Variants in NGEF observed in about 807,000 individuals in gnomAD.
NGEF encodes the protein neuronal guanine nucleotide exchange factor.
A neutral mutation model predicts 80.9 loss-of-function variants in NGEF; 31 were observed. The ratio of observed to expected loss-of-function variants is 0.38; its 90% CI spans 0.29 to 0.52. NGEF has a LOEUF of 0.52. NGEF is among the 20% of genes least tolerant of loss of function. NGEF has a pLI of 0.84. For synonymous variants in NGEF, 371 were observed against 370.2 expected (o/e 1.00, Z -0.03); for missense variants, 709 against 926.2 (o/e 0.77, Z 3.04).
chr2:232,927,005 G>A, intron 4 of NGEF, 39 bp downstream of exon 4: 2 of 1,613,732 alleles, frequency 1.2e-6, no homozygotes, highest in Non-Finnish European at 8.5e-7. Context: ...AGGGACCCGC[G>A]TTTCCCAAAT....
intron 3 of NGEF, among the ~76,000 whole-genome samples, chr2:232,959,579 C>CTTTT (rs10663890): frequency 7.1e-5 from 10 of 139,940 alleles, no homozygotes; most frequent in Non-Finnish European, 1.1e-4. Flanking sequence ...CAGCAATGAC[C>CTTTT]TTTTTTTTTT....
intron 4 of NGEF, among the ~76,000 whole-genome samples, chr2:232,925,078 C>T (rs1337229009): frequency 1.3e-5 from 2 of 152,166 alleles, no homozygotes; most frequent in Non-Finnish European, 2.9e-5. Flanking sequence ...ATATATTGTA[C>T]ATTTAGTCGG....
intron 1 of NGEF, among the ~76,000 whole-genome samples, chr2:233,003,504 T>C (rs1050087051): frequency 1.1e-4 from 16 of 152,188 alleles, no homozygotes; most frequent in African/African-American, 3.9e-4. Context: ...CCTTCCTTGC[T>C]AATATCCTCT....
intron 14 of NGEF, 74 bp downstream of exon 14, chr2:232,881,072 C>T: frequency 8.3e-7 from 1 of 1,206,494 alleles, no homozygotes; most frequent in Non-Finnish European, 1.2e-6. Flanking sequence ...GTGGCATCTG[C>T]TTCTCCCCCT....
intron 10 of NGEF, 141 bp downstream of exon 10, chr2:232,885,139 G>T: frequency 1.4e-6 from 1 of 720,312 alleles, no homozygotes; most frequent in South Asian, 1.7e-5. Flanking sequence ...AGCTGGGGAG[G>T]TCAGGGGGCA....
rs1692013842 is a variant in NGEF at position 232,895,047 on chromosome 2, C to G, written c.829-131G>C. The G allele has an allele frequency of 4.0e-6, 4 of 991,466 alleles. No homozygotes were observed. The East Asian group carries it at 1.0e-4, about 25-fold the overall frequency. The allele number at this position is 991,466 out of a possible 1,614,324, so 61.4% of individuals were successfully genotyped here. On this transcript the variant is annotated intron_variant, in intron 5 of 14. Coordinates refer to ENST00000264051, the MANE Select transcript of NGEF (RefSeq NM_019850.3). Reference sequence around the variant, plus strand: ...AGGGAAAAATCGCCTGCTCCTGGGGCCTGGGATGGCTGCTGCAGGGGCAGC... The same window carrying G: ...AGGGAAAAATCGCCTGCTCCTGGGGGCTGGGATGGCTGCTGCAGGGGCAGC...
chr2:232,902,582 G>A (rs1692387748), intron 5 of NGEF, among the ~76,000 whole-genome samples: 1 of 152,236 alleles, frequency 6.6e-6, no homozygotes, highest in Non-Finnish European at 1.5e-5. Context: ...GTTTTCTCAA[G>A]ATGACCTGTT....
chr2:232,965,082 G>A (rs367982031), intron 3 of NGEF, among the ~76,000 whole-genome samples: 2 of 152,178 alleles, frequency 1.3e-5, no homozygotes, highest in Admixed American at 6.5e-5. Context: ...ATATGCTAAC[G>A]ACAGCGACGA....
intron 3 of NGEF, among the ~76,000 whole-genome samples, chr2:232,963,420 C>T (rs1693991736): frequency 6.6e-6 from 1 of 151,926 alleles, no homozygotes; most frequent in South Asian, 2.1e-4. Flanking sequence ...ATCTTCATGA[C>T]TTCAAAGTGG....
chr2:232,990,682 C>G (rs1694633430), intron 1 of NGEF, among the ~76,000 whole-genome samples: 1 of 151,858 alleles, frequency 6.6e-6, no homozygotes, highest in Non-Finnish European at 1.5e-5. Flanking sequence ...ATGGCCAGCC[C>G]AAAAATAAAT....
At chr2:232,886,666 G>A (rs1033154646) in intron 9 of NGEF, among the ~76,000 whole-genome samples, 1 of 152,172 alleles carries the variant, frequency 6.6e-6, no homozygotes, top group East Asian at 1.9e-4. Context: ...TTCATTATAA[G>A]AAAAATGAAG....
At position 232,932,279 on chromosome 2, in the gene NGEF, C is replaced by T. The variant is rs551565435; in HGVS notation, c.384-5093G>A. 2.0e-5 allele frequency among the ~76,000 whole-genome samples: 3 copies of T among 150,218 alleles called. No individual in the cohort carries two copies. In the Admixed American group the frequency reaches 2.0e-4, roughly 10 times the overall value. Reference sequence around the variant, plus strand: ...TCCTGGGTTCAAGTGATTCTCCTGTCTCAGCCTCCCAAGTAGCTGGGATTA... The same window carrying T: ...TCCTGGGTTCAAGTGATTCTCCTGTTTCAGCCTCCCAAGTAGCTGGGATTA... On this transcript the variant is annotated intron_variant, in intron 3 of 14. Coordinates refer to ENST00000264051, the MANE Select transcript of NGEF (RefSeq NM_019850.3).
At chr2:232,951,269 C>T (rs1574632265) in intron 3 of NGEF, among the ~76,000 whole-genome samples, 1 of 152,160 alleles carries the variant, frequency 6.6e-6, no homozygotes, top group East Asian at 1.9e-4. Flanking sequence ...CCTGGCACCT[C>T]CTGAGGTCCC....
At chr2:232,888,911 C>T (rs1186838821) in intron 8 of NGEF, among the ~76,000 whole-genome samples, 1 of 152,254 alleles carries the variant, frequency 6.6e-6, no homozygotes, top group Non-Finnish European at 1.5e-5. Context: ...ATAAACTCCA[C>T]ATGGTTTCCT....
intron 3 of NGEF, among the ~76,000 whole-genome samples, chr2:232,954,452 G>A (rs1383912800): frequency 2.6e-5 from 4 of 152,186 alleles, no homozygotes; most frequent in Admixed American, 6.5e-5. Context: ...CCAGCCGGGC[G>A]CAGTGGCTCA....
chr2:232,890,146 G>A (rs2675958), intron 8 of NGEF, among the ~76,000 whole-genome samples: 9 of 134,624 alleles, frequency 6.7e-5, no homozygotes, highest in African/African-American at 2.2e-4. Context: ...GTTGTCAGGC[G>A]GAGGGAGTCT....
rs1407094279 is a variant in NGEF, at chr2:232,900,621, C to T, written c.829-5705G>A. Reference sequence around the variant, plus strand: ...ATACACGTTCACTCACATACACACACGCTCTCACAGTCACTCATATACACG... The same window carrying T: ...ATACACGTTCACTCACATACACACATGCTCTCACAGTCACTCATATACACG... On this transcript the variant is annotated intron_variant, in intron 5 of 14. Transcript: ENST00000264051. 6.2e-5 allele frequency among the ~76,000 whole-genome samples: 9 copies of T among 144,194 alleles called. 1 individual carries two copies. Among genetic ancestry groups the T allele is most frequent in the South Asian group, 2.3e-4 (1 of 4,294 alleles). The allele number at this position is 144,194 out of a possible 152,430, so 94.6% of individuals were successfully genotyped here. A position where few individuals can be genotyped will look rare whatever the true frequency, so the allele number is the denominator to read the frequency against.
rs1207312615 is a variant in NGEF at position 232,884,025 on chromosome 2, G to T, written c.1557C>A (p.Leu519=). ...RTKKLFHEIY[L]FLFNDLLVIC... is the part of the protein sequence containing the mutation. The stretch of plus-strand genomic sequence containing the variant: ...TCACCAGCAGGTCGTTGAACAGGAA[G>T]AGGTAAATTTCGTGGAAGAGCTTCT... Residue 519 remains leucine (L), a synonymous_variant, in exon 11 of 15, where the codon CTC becomes CTA. Coordinates refer to ENST00000264051, the MANE Select transcript of NGEF (RefSeq NM_019850.3). 1 of 1,612,774 alleles carries T rather than the reference G, an allele frequency of 6.2e-7. No homozygotes were observed. Among genetic ancestry groups the T allele is most frequent in the Non-Finnish European group, 8.5e-7 (1 of 1,179,606 alleles).
In NGEF at chr2:232,984,780, A is replaced by T. The variant is rs541179864; in HGVS notation, c.-74-9816T>A. ...CAGACAATGGAACTTCTAAAAAGTT[A>T]AACGTTTTATTTTATATTTACAAAA... On this transcript the variant is annotated intron_variant, in intron 1 of 14. Coordinates refer to ENST00000264051, the MANE Select transcript of NGEF (RefSeq NM_019850.3). Among the ~76,000 whole-genome samples, 620 of 152,324 alleles carry T rather than the reference A, an allele frequency of 4.1e-3. 4 individuals are homozygous for T. The highest frequency in any genetic ancestry group is 5.6e-3 in the Non-Finnish European group (379 of 68,028).
Sources: allele counts gnomAD v4.1 joint callset (sites outside exome capture counted in the v4.1 genomes callset), GRCh38; gene constraint gnomAD v4.1.1; transcripts MANE v1.5; gene names NCBI Gene and HGNC (gene_info 2026-07-23, HGNC 2026-07-21).